GSE1: variants seen among roughly 807,000 people sequenced by gnomAD.
GSE1 encodes genetic suppressor element 1.
A neutral mutation model predicts 112.6 loss-of-function variants in GSE1; 32 were observed. The ratio of observed to expected loss-of-function variants is 0.28; its 90% CI spans 0.21 to 0.38. The LOEUF (loss-of-function observed/expected upper bound fraction) is 0.38, where lower values mean the gene tolerates loss of function less well. Among genes scored for constraint, GSE1 ranks in the 10% least tolerant of loss-of-function variants. GSE1 has a pLI of 1.00. For missense variants in GSE1, 2,348 were observed against 1,699.2 expected (o/e 1.38, Z -6.71); for synonymous variants, 1,115 against 735.6 (o/e 1.52, Z -8.35).
chr16:85,462,826 G>GCAGGATGC (rs2050009573), intron 2 of GSE1, among the ~76,000 whole-genome samples: 1 of 146,414 alleles, frequency 6.8e-6, no homozygotes, highest in Non-Finnish European at 1.5e-5. Flanking sequence ...GGGGGGCGGC[G>GCAGGATGC]TGAGCGGCTG....
At chr16:85,237,316 C>T (rs1479242610) in intron 1 of GSE1, among the ~76,000 whole-genome samples, 1 of 152,154 alleles carries the variant, frequency 6.6e-6, no homozygotes, top group East Asian at 1.9e-4. Context: ...GAGCAAGAGA[C>T]TGTCTCAGAA....
At chr16:85,198,644 G>A (rs1013322296) in intron 1 of GSE1, among the ~76,000 whole-genome samples, 9 of 142,616 alleles carry the variant, frequency 6.3e-5, no homozygotes, top group African/African-American at 1.5e-4. Context: ...TGGATGCCAC[G>A]GTTCTTTCTG....
chr16:85,566,525 C>T (rs920151762), intron 1 of GSE1, among the ~76,000 whole-genome samples: 28 of 152,254 alleles, frequency 1.8e-4, no homozygotes, highest in Admixed American at 5.2e-4. Context: ...CCGGCCTCAG[C>T]GGAGAATTTC....
chr16:85,495,329 G>A (rs991158049), intron 2 of GSE1, among the ~76,000 whole-genome samples: 90 of 152,204 alleles, frequency 5.9e-4, no homozygotes, highest in African/African-American at 2.1e-3. Flanking sequence ...CCTGTGGTTC[G>A]GTAGCGGCAG....
chr16:85,550,992 T>C (rs2151236171), upstream of GSE1, among the ~76,000 whole-genome samples: 1 of 152,340 alleles, frequency 6.6e-6, no homozygotes, highest in Middle Eastern at 3.4e-3. Context: ...GGCCCATTCT[T>C]CCCTCTGACC....
intron 2 of GSE1, among the ~76,000 whole-genome samples, chr16:85,545,529 C>T (rs1351021406): frequency 1.3e-5 from 2 of 152,184 alleles, no homozygotes; most frequent in Non-Finnish European, 2.9e-5. Context: ...CTTCCGACTT[C>T]TCTGAGTTCC....
At chr16:85,630,010 A>G (rs1272406797) in intron 1 of GSE1, among the ~76,000 whole-genome samples, 2 of 152,222 alleles carry the variant, frequency 1.3e-5, no homozygotes, top group Middle Eastern at 3.4e-3. Flanking sequence ...CCTACTTGAG[A>G]TGTTGGCTGG....
At chr16:85,359,479 A>G (rs1337927085) in intron 2 of GSE1, 1 of 453,060 alleles carries the variant, frequency 2.2e-6, no homozygotes, top group South Asian at 1.6e-5. Context: ...TTGGCAAATG[A>G]ATGAGTCATC....
chr16:85,387,848 A>G (rs2047720740), intron 2 of GSE1, among the ~76,000 whole-genome samples: 1 of 152,214 alleles, frequency 6.6e-6, no homozygotes, highest in Admixed American at 6.5e-5. Context: ...GTATGTTTGC[A>G]TGGACGGATG....
intron 2 of GSE1, among the ~76,000 whole-genome samples, chr16:85,640,875 A>C (rs769659061): frequency 6.6e-6 from 1 of 152,204 alleles, no homozygotes; most frequent in Non-Finnish European, 1.5e-5. Context: ...GGGCGTCCTC[A>C]TGGTGCCTCT....
chr16:85,246,498 ACACCC>A (rs1471357420), intron 1 of GSE1, among the ~76,000 whole-genome samples: 1 of 31,534 alleles, frequency 3.2e-5, no homozygotes, highest in Non-Finnish European at 6.6e-5. Flanking sequence ...CACACTCTAC[ACACCC>A]CCCCCCCCCC....
At chr16:85,549,587 C>A (rs1309729097) in intron 2 of GSE1, among the ~76,000 whole-genome samples, 1 of 152,160 alleles carries the variant, frequency 6.6e-6, no homozygotes, top group Non-Finnish European at 1.5e-5. Context: ...AGACAGCACC[C>A]GTGGGTGGGG....
At chr16:85,655,619 C>T in intron 5 of GSE1, 107 bp from the exon 6 acceptor site, 1 of 678,972 alleles carries the variant, frequency 1.5e-6, no homozygotes, top group South Asian at 1.9e-5. Context: ...TTGTCACGTT[C>T]CCCACGCTCA....
intron 2 of GSE1, among the ~76,000 whole-genome samples, chr16:85,466,931 GCCCCTGTAAT>G (rs2050141691): frequency 6.6e-6 from 1 of 152,190 alleles, no homozygotes; most frequent in African/African-American, 2.4e-5. Context: ...GTGGTGGCAG[GCCCCTGTAAT>G]CCCAGTTACT....
chr16:85,454,518 G>T (rs72798970), intron 2 of GSE1, among the ~76,000 whole-genome samples: 23,144 of 152,254 alleles, frequency 0.15, 2,285 homozygotes, highest in Non-Finnish European at 0.2. Flanking sequence ...CTCCTGGGCA[G>T]ATGCCGGATG....
intron 12 of GSE1, among the ~76,000 whole-genome samples, chr16:85,665,418 C>T (rs1250653625): frequency 6.6e-6 from 1 of 152,216 alleles, no homozygotes; most frequent in African/African-American, 2.4e-5. Context: ...GGCACAGAGG[C>T]TCACATGGAG....
upstream of GSE1, among the ~76,000 whole-genome samples, chr16:85,607,753 T>A (rs2047773863): frequency 6.6e-6 from 1 of 152,328 alleles, no homozygotes; most frequent in Middle Eastern, 3.4e-3. Flanking sequence ...CCAGCCTTTA[T>A]CCAATCAGCA....
At chr16:85,498,198 A>T (rs561596457) in intron 2 of GSE1, among the ~76,000 whole-genome samples, 20 of 152,170 alleles carry the variant, frequency 1.3e-4, no homozygotes, top group African/African-American at 4.6e-4. Context: ...CTCTCCTGGG[A>T]TCCTCCCAGC....
At chr16:85,609,698 A>G (rs1057241011), upstream of GSE1, among the ~76,000 whole-genome samples, 2 of 151,892 alleles carry the variant, frequency 1.3e-5, no homozygotes, top group Admixed American at 6.6e-5. Context: ...TCTGTCGCCC[A>G]GGCTAGAGTG....
Sources: allele counts gnomAD v4.1 joint callset (sites outside exome capture counted in the v4.1 genomes callset), GRCh38; gene constraint gnomAD v4.1.1; transcripts MANE v1.5; gene names NCBI Gene and HGNC (gene_info 2026-07-23, HGNC 2026-07-21).